The following TTC5 variants were observed in gnomAD, a reference collection of about 807,000 sequenced individuals.
TTC5 encodes the protein tetratricopeptide repeat domain 5.
A neutral mutation model predicts 57.4 loss-of-function variants in TTC5; 46 were observed. The observed-to-expected ratio is 0.80, with a 90% confidence interval of 0.63 to 1.03. The LOEUF is 1.03. TTC5 is among the 50% of genes least tolerant of loss of function. TTC5 has a pLI of 0.00. For missense variants in TTC5, 504 were observed against 528.1 expected, an observed-to-expected ratio of 0.95 and a Z score of 0.45; for synonymous variants, 190 against 203.5, an observed-to-expected ratio of 0.93 and a Z score of 0.57.
chr14:20,301,633 T>C (rs1434919093), intron 2 of TTC5, among the ~76,000 whole-genome samples, 200 bp downstream of exon 2: 1 of 152,254 alleles, frequency 6.6e-6, no homozygotes, highest in Non-Finnish European at 1.5e-5. Flanking sequence ...GCTCTTTCAT[T>C]TCATGCCATT....
chr14:20,286,707 G>A lies in TTC5; in HGVS notation c.*2920C>T. The A allele has an allele frequency of 6.6e-6, 1 of 150,452 alleles. No homozygotes were observed. Among genetic ancestry groups the A allele is most frequent in the East Asian group, 2.0e-4 (1 of 5,126 alleles). The allele number at this position is 150,452 out of a possible 1,614,324, so 9.3% of individuals were successfully genotyped here. A position where few individuals can be genotyped will look rare whatever the true frequency, so the allele number is the denominator to read the frequency against. ...AAAGATGGATAAATTCAATGACATT[G>A]AAATTAAGAACTTCTGTTCAGCAAA... is the stretch of plus-strand genomic sequence containing the variant. On this transcript the variant is annotated 3_prime_UTR_variant, in exon 10 of 10. Coordinates refer to ENST00000258821, the MANE Select transcript of TTC5 (RefSeq NM_138376.3).
chr14:20,296,739 A>C (rs562210597), intron 5 of TTC5, among the ~76,000 whole-genome samples: 3 of 152,316 alleles, frequency 2.0e-5, no homozygotes, highest in Admixed American at 6.5e-5. Context: ...TGGGCCGGGC[A>C]CAGTGGCTCA....
At chr14:20,289,845 C>G (rs1024127226) in intron 9 of TTC5, 99 bp from the exon 10 acceptor site, 9 of 1,265,252 alleles carry the variant, frequency 7.1e-6, no homozygotes, top group Middle Eastern at 1.9e-4. Flanking sequence ...ACCACCTCCC[C>G]TGTTGTATAC....
rs1420097772 is a variant in TTC5 at position 20,287,235 on chromosome 14, T to C, written c.*2392A>G. The C allele has an allele frequency of 8.5e-5, 13 of 152,204 alleles. No homozygotes were observed. Among genetic ancestry groups the C allele is most frequent in the Non-Finnish European group, 1.9e-4 (13 of 68,052 alleles). The allele number at this position is 152,204 out of a possible 1,614,324, so 9.4% of individuals were successfully genotyped here. ...ATTGCTGGGCTCCTCCCACATAGTT[T>C]TGAATTCAGTAAGTCTGGGTAGGGG... On this transcript the variant is annotated 3_prime_UTR_variant, in exon 10 of 10. Transcript: ENST00000258821.
chr14:20,301,184 TGAAGA>T (rs1566392587), intron 2 of TTC5, among the ~76,000 whole-genome samples: 1 of 151,978 alleles, frequency 6.6e-6, no homozygotes, highest in African/African-American at 2.4e-5. Flanking sequence ...CTTTAACAAG[TGAAGA>T]GAAGATGAGT....
Position 20,300,596 on chromosome 14 carries a change from G to C in TTC5, c.396+11C>G, listed in dbSNP as rs1477057994. ...CATCTCTGCTTTCCAAAGGGATAGG[G>C]GGCAGCTCACATGGGTGAGGGCTCC... On this transcript the variant is annotated intron_variant, in intron 3 of 9. Transcript: ENST00000258821. 11 of 1,605,556 alleles carry C rather than the reference G, an allele frequency of 6.9e-6. No individual in the cohort carries two copies. Among genetic ancestry groups the C allele is most frequent in the African/African-American group, 2.7e-5 (2 of 74,734 alleles).
intron 2 of TTC5, 112 bp downstream of exon 2, chr14:20,301,721 G>T: frequency 7.2e-7 from 1 of 1,391,788 alleles, no homozygotes; most frequent in Non-Finnish European, 9.9e-7. Context: ...GTATTACGTT[G>T]TACTACCCTA....
chr14:20,298,803 G>A lies in TTC5; in HGVS notation c.633C>T (p.Ala211=), dbSNP rs759366329. The A allele has an allele frequency of 4.3e-6, 7 of 1,612,020 alleles. No homozygotes were observed. The African/African-American group carries it at 8.0e-5, about 18-fold the overall frequency. Residue 211 remains alanine, a synonymous_variant, in exon 5 of 10, where the codon GCC becomes GCT. Transcript: ENST00000258821. ...GGTGACCATAAGTACTTACTGCTTG[G>A]GCATAGGCACTGAGGGCTTGCTGGG... The part of the protein sequence containing the change: ...KISQQALSAY[A]QAEKVDRKAS...
At chr14:20,289,891 G>T in intron 9 of TTC5, 145 bp from the exon 10 acceptor site, 1 of 896,370 alleles carries the variant, frequency 1.1e-6, no homozygotes. Flanking sequence ...ACAAAACTGA[G>T]CTAACACAGG....
chr14:20,298,471 G>C (rs1882110738), intron 5 of TTC5, among the ~76,000 whole-genome samples: 1 of 152,070 alleles, frequency 6.6e-6, no homozygotes, highest in Non-Finnish European at 1.5e-5. Flanking sequence ...ATATTAATAA[G>C]TATTATTTTA....
Position 20,300,827 on chromosome 14 carries a change from A to G in TTC5, c.185-9T>C, listed in dbSNP as rs1882174972. ...CTTGCCCTGGACAGAACCTAAGAGG[A>G]AGAAAAAAAGATAAAGTGGGAAAAA... On this transcript the variant is annotated splice_polypyrimidine_tract_variant and intron_variant, in intron 2 of 9. Coordinates refer to ENST00000258821, the MANE Select transcript of TTC5 (RefSeq NM_138376.3). 1 of 1,575,590 alleles carries G rather than the reference A, an allele frequency of 6.3e-7. No individual in the cohort carries two copies. Among genetic ancestry groups the G allele is most frequent in the South Asian group, 1.2e-5 (1 of 85,362 alleles).
chr14:20,294,119 T>G (rs899981132), intron 8 of TTC5: 3 of 152,176 alleles, frequency 2.0e-5, no homozygotes, highest in African/African-American at 7.2e-5. Context: ...ACTCTCCTGA[T>G]GAATCCAGTC....
chr14:20,298,755 G>A, intron 5 of TTC5, 42 bp downstream of exon 5: 5 of 1,383,040 alleles, frequency 3.6e-6, no homozygotes, highest in Non-Finnish European at 5.2e-6. Flanking sequence ...TCTTGCTTCT[G>A]TTGTTGCCTA....
At position 20,289,568 on chromosome 14, in the gene TTC5, C is replaced by G. The variant is rs1223603444; in HGVS notation, c.*59G>C. 1 of 1,547,780 alleles carries G rather than the reference C, an allele frequency of 6.5e-7. No homozygotes were observed. The highest frequency in any genetic ancestry group is 2.3e-5 in the East Asian group (1 of 44,150). On this transcript the variant is annotated 3_prime_UTR_variant, in exon 10 of 10. Transcript: ENST00000258821. ...GCTGAATCACTGGATGTGGCTGGACCGGCTGTCCAGAGCCTTGTCTCCTCT... is the reference window on the plus strand; with the variant it reads ...GCTGAATCACTGGATGTGGCTGGACGGGCTGTCCAGAGCCTTGTCTCCTCT...
chr14:20,301,503 T>G (rs1292647883), intron 2 of TTC5, among the ~76,000 whole-genome samples: 1 of 151,140 alleles, frequency 6.6e-6, no homozygotes, highest in Non-Finnish European at 1.5e-5. Flanking sequence ...AGGATAAGGT[T>G]AAATGCATGA....
Position 20,295,736 on chromosome 14 carries a change from T to C in TTC5, c.815A>G (p.Asp272Gly), listed in dbSNP as rs1329030740. 7 of 1,613,698 alleles carry C rather than the reference T, an allele frequency of 4.3e-6. No homozygotes were observed. The highest frequency in any genetic ancestry group is 2.7e-5 in the African/African-American group (2 of 74,842). The change falls in exon 7 of 10, where the codon GAT (aspartate) becomes GGT (glycine). Residue 272 changes from aspartate (D) to glycine (G), a missense_variant. By Grantham distance (94) the Asp-to-Gly change is moderately conservative. Transcript: ENST00000258821. ...QREQQLLEFL[D>G]RLTSLLESKG... ...ACTCTCAAGGAGGCTGGTTAATCTA[T>C]CCAGGAATTCCAGAAGTTGTTGCTC...
In TTC5 at chr14:20,296,487, A is replaced by G. The variant is rs143086047; in HGVS notation, c.640-41T>C. On this transcript the variant is annotated intron_variant, in intron 5 of 9. Transcript: ENST00000258821. Reference sequence around the variant, plus strand: ...AAGATTATCAGTGGATCCTGTCTCAATGTTAAGGACTGACATGCCCAACAT... The same window carrying G: ...AAGATTATCAGTGGATCCTGTCTCAGTGTTAAGGACTGACATGCCCAACAT... The G allele has an allele frequency of 1.5e-3, 2,259 of 1,506,316 alleles. 5 individuals carry two copies. The highest frequency in any genetic ancestry group is 2.0e-3 in the Non-Finnish European group (2,154 of 1,081,036). The allele number at this position is 1,506,316 out of a possible 1,614,324, so 93.3% of individuals were successfully genotyped here. A position where few individuals can be genotyped will look rare whatever the true frequency, so the allele number is the denominator to read the frequency against.
intron 7 of TTC5, 57 bp from the exon 8 acceptor site, chr14:20,295,583 C>A (rs949562050): frequency 1.9e-6 from 3 of 1,571,848 alleles, no homozygotes; most frequent in African/African-American, 2.7e-5. Context: ...CCTTGAGATT[C>A]TAATCCTTCC....
chr14:20,301,805 G>A lies in TTC5; in HGVS notation c.184+28C>T. 3 of 1,613,064 alleles carry A rather than the reference G, an allele frequency of 1.9e-6. No homozygotes were observed. The South Asian group carries it at 3.3e-5, about 18-fold the overall frequency. On this transcript the variant is annotated intron_variant, in intron 2 of 9. Transcript: ENST00000258821. ...GTCAATCACATTTCACTGAAGGATG[G>A]GGGTTGTACAATCTCTAGGGCTCAT...
Sources: allele counts gnomAD v4.1 joint callset (sites outside exome capture counted in the v4.1 genomes callset), GRCh38; gene constraint gnomAD v4.1.1; transcripts MANE v1.5; gene names NCBI Gene and HGNC (gene_info 2026-07-23, HGNC 2026-07-21).